The following CTNNA2 variants were observed in gnomAD, a reference collection of about 807,000 sequenced individuals.
The protein encoded by CTNNA2 is catenin alpha 2.
A neutral mutation model predicts 101.0 loss-of-function variants in CTNNA2; 42 were observed. The observed-to-expected ratio is 0.42, with a 90% CI of 0.32 to 0.54. CTNNA2 has a LOEUF of 0.54. CTNNA2 is among the 20% of genes least tolerant of loss of function. CTNNA2 has a pLI of 0.14. For missense variants in CTNNA2, 871 were observed against 1,223.1 expected (o/e 0.71, Z 4.29); for synonymous variants, 450 against 456.4 (o/e 0.99, Z 0.18).
intron 8 of CTNNA2, among the ~76,000 whole-genome samples, chr2:80,393,608 GC>G (rs1217508626): frequency 1.1e-4 from 16 of 152,138 alleles, no homozygotes; most frequent in Admixed American, 1.0e-3. Context: ...CCAAGAGCCT[GC>G]CTCTGATCTT....
intron 3 of CTNNA2, among the ~76,000 whole-genome samples, chr2:79,834,472 T>C (rs1007280928): frequency 1.3e-5 from 2 of 152,118 alleles, no homozygotes; most frequent in African/African-American, 2.4e-5. Context: ...TGCAAAATTA[T>C]ATCTTGCTGT....
chr2:79,196,731 C>G (rs1673966437), intron 1 of CTNNA2, among the ~76,000 whole-genome samples: 1 of 152,186 alleles, frequency 6.6e-6, no homozygotes, highest in Non-Finnish European at 1.5e-5. Flanking sequence ...TACTTCACTT[C>G]TCTGCAAAGC....
intron 1 of CTNNA2, among the ~76,000 whole-genome samples, chr2:79,188,101 G>C (rs1255473813): frequency 6.6e-6 from 1 of 152,076 alleles, no homozygotes; most frequent in East Asian, 1.9e-4. Flanking sequence ...AAAATGTTAT[G>C]TAATTTTATG....
At chr2:79,311,872 A>T (rs1378347410) in intron 2 of CTNNA2, among the ~76,000 whole-genome samples, 2 of 152,208 alleles carry the variant, frequency 1.3e-5, no homozygotes, top group Middle Eastern at 3.4e-3. Flanking sequence ...CAATTTATTT[A>T]TGCGTTTTCT....
Position 80,558,791 on chromosome 2 carries a change from T to C in CTNNA2, c.1741+2898T>C, listed in dbSNP as rs576492616. Among the ~76,000 whole-genome samples, 12 of 152,192 alleles carry C rather than the reference T, an allele frequency of 7.9e-5. No individual in the cohort carries two copies. In the South Asian group the frequency reaches 2.3e-3, roughly 29 times the overall value. The stretch of plus-strand genomic sequence containing the variant: ...TGAGGAGAAAGAAGACAAAATGTCA[T>C]GGTTTTTGTTGTTGTTGTTGTTGCC... On this transcript the variant is annotated intron_variant, in intron 12 of 18. Transcript: ENST00000402739.
intron 7 of CTNNA2, among the ~76,000 whole-genome samples, chr2:80,352,200 CT>C (rs1277818852): frequency 6.6e-6 from 1 of 152,096 alleles, no homozygotes; most frequent in African/African-American, 2.4e-5. Flanking sequence ...AGCTATTTCT[CT>C]GACATGAGTA....
chr2:79,393,003 C>T (rs948697263), intron 4 of CTNNA2, among the ~76,000 whole-genome samples: 12 of 152,174 alleles, frequency 7.9e-5, no homozygotes, highest in South Asian at 4.1e-4. Context: ...CTTCTTCAAG[C>T]GGCTTCATGA....
chr2:80,026,347 A>G (rs1694923271), intron 7 of CTNNA2, among the ~76,000 whole-genome samples: 1 of 152,230 alleles, frequency 6.6e-6, no homozygotes, highest in Admixed American at 6.5e-5. Flanking sequence ...CAAGGATTCA[A>G]TGACCCTAAG....
chr2:79,470,490 A>G (rs764416411), intron 4 of CTNNA2, among the ~76,000 whole-genome samples: 12 of 152,238 alleles, frequency 7.9e-5, no homozygotes, highest in East Asian at 3.9e-4. Context: ...TTAATTTTGC[A>G]GAGTACTTTC....
chr2:80,255,793 C>A (rs1672094959), intron 7 of CTNNA2, among the ~76,000 whole-genome samples: 1 of 152,130 alleles, frequency 6.6e-6, no homozygotes, highest in Admixed American at 6.6e-5. Flanking sequence ...ATCCTTACCC[C>A]AAAGTGGTAT....
chr2:80,380,400 T>C (rs1424612386), intron 7 of CTNNA2, among the ~76,000 whole-genome samples: 2 of 152,122 alleles, frequency 1.3e-5, no homozygotes, highest in African/African-American at 4.8e-5. Context: ...GAGGAACAAC[T>C]GAGAAACTCT....
chr2:79,898,677 AT>A, intron 6 of CTNNA2, among the ~76,000 whole-genome samples: 1 of 152,212 alleles, frequency 6.6e-6, no homozygotes, highest in Middle Eastern at 3.4e-3. Flanking sequence ...TTCTACTTCC[AT>A]TTTTCCTCCT....
intron 7 of CTNNA2, among the ~76,000 whole-genome samples, chr2:79,993,798 G>A (rs1486964266): frequency 6.6e-6 from 1 of 152,170 alleles, no homozygotes; most frequent in Non-Finnish European, 1.5e-5. Context: ...AGCCAAGTAG[G>A]CCTGGTGTGA....
chr2:80,401,324 A>G (rs1481167678), intron 8 of CTNNA2, among the ~76,000 whole-genome samples: 1 of 152,148 alleles, frequency 6.6e-6, no homozygotes, highest in Admixed American at 6.5e-5. Flanking sequence ...CCTCCATTCT[A>G]AACTCACATG....
intron 7 of CTNNA2, among the ~76,000 whole-genome samples, chr2:80,012,098 G>T (rs1054721101): frequency 2.0e-5 from 3 of 152,128 alleles, no homozygotes; most frequent in Admixed American, 6.5e-5. Flanking sequence ...TTTGAGACCA[G>T]TCTCCCTCCC....
At chr2:79,723,841 A>G (rs991479648) in intron 2 of CTNNA2, among the ~76,000 whole-genome samples, 2 of 152,086 alleles carry the variant, frequency 1.3e-5, no homozygotes, top group African/African-American at 2.4e-5. Flanking sequence ...GTTTGTCTCT[A>G]TACTAATTCC....
At chr2:79,899,001 G>T (rs6740491) in intron 6 of CTNNA2, among the ~76,000 whole-genome samples, 17,262 of 152,146 alleles carry the variant, frequency 0.11, 1,074 homozygotes, top group African/African-American at 0.15. Context: ...AGGGAAGGAG[G>T]AGTATGAATA....
At chr2:79,338,566 T>C (rs1255415257) in intron 3 of CTNNA2, among the ~76,000 whole-genome samples, 1 of 143,744 alleles carries the variant, frequency 7.0e-6, no homozygotes, top group East Asian at 2.1e-4. Context: ...CTTCTTCTTC[T>C]TCCTCCTCAT....
intron 15 of CTNNA2, among the ~76,000 whole-genome samples, chr2:80,592,481 C>T (rs1056950604): frequency 6.8e-4 from 103 of 152,294 alleles, no homozygotes; most frequent in African/African-American, 2.3e-3. Flanking sequence ...TAACATCTGA[C>T]CTTACAACCT....
Sources: allele counts gnomAD v4.1 joint callset (sites outside exome capture counted in the v4.1 genomes callset), GRCh38; gene constraint gnomAD v4.1.1; transcripts MANE v1.5; gene names NCBI Gene and HGNC (gene_info 2026-07-23, HGNC 2026-07-21).